PAK5: variants seen among roughly 807,000 people sequenced by gnomAD.
The protein encoded by PAK5 is p21 (RAC1) activated kinase 5.
PAK5 carries 16 observed loss-of-function variants against 65.9 expected under a neutral mutation model. The ratio of observed to expected loss-of-function variants is 0.24; its 90% CI spans 0.16 to 0.37. The LOEUF is 0.37. Among genes scored for constraint, PAK5 ranks in the 10% least tolerant of loss-of-function variants. PAK5 has a pLI of 1.00. For missense variants in PAK5, 785 were observed against 903.9 expected (o/e 0.87, Z 1.69); for synonymous variants, 371 against 354.9 (o/e 1.05, Z -0.51).
chr20:9,604,131 C>A (rs2046408782), intron 3 of PAK5, among the ~76,000 whole-genome samples: 1 of 152,170 alleles, frequency 6.6e-6, no homozygotes, highest in Admixed American at 6.5e-5. Flanking sequence ...GTGTTCCAAG[C>A]TAGGGCATCC....
intron 7 of PAK5, among the ~76,000 whole-genome samples, chr20:9,550,200 A>C (rs2045404852): frequency 6.6e-6 from 1 of 152,114 alleles, no homozygotes; most frequent in Admixed American, 6.5e-5. Context: ...GGAATGGGGA[A>C]GGGTCTGGCA....
intron 2 of PAK5, among the ~76,000 whole-genome samples, chr20:9,647,301 G>A (rs2047147173): frequency 6.6e-6 from 1 of 152,230 alleles, no homozygotes; most frequent in African/African-American, 2.4e-5. Flanking sequence ...ATTATTTAGT[G>A]AGCATAAAAT....
chr20:9,779,662 C>A (rs779957739), intron 1 of PAK5, among the ~76,000 whole-genome samples: 14 of 151,742 alleles, frequency 9.2e-5, no homozygotes, highest in Non-Finnish European at 1.8e-4. Context: ...TTACATAATT[C>A]CTTCTAATTA....
chr20:9,825,567 T>C (rs1262721151), intron 1 of PAK5, among the ~76,000 whole-genome samples: 1 of 152,196 alleles, frequency 6.6e-6, no homozygotes, highest in Non-Finnish European at 1.5e-5. Context: ...TATGATTTCT[T>C]TTCCATTTCA....
intron 1 of PAK5, among the ~76,000 whole-genome samples, chr20:9,716,347 C>G: frequency 6.6e-6 from 1 of 151,970 alleles, no homozygotes; most frequent in African/African-American, 2.4e-5. Flanking sequence ...CTTTTGATAC[C>G]CTATTCAAAC....
intron 1 of PAK5, chr20:9,818,671 A>C (rs1307161860): frequency 6.6e-6 from 1 of 152,180 alleles, no homozygotes; most frequent in Non-Finnish European, 1.5e-5. Context: ...ATTATCATAA[A>C]GTCTATACCT....
intron 1 of PAK5, among the ~76,000 whole-genome samples, chr20:9,752,100 G>A (rs1027823284): frequency 1.1e-4 from 17 of 152,116 alleles, no homozygotes; most frequent in Admixed American, 1.3e-4. Context: ...GCTACACAGC[G>A]GAAAGTAATC....
At chr20:9,690,317 T>C (rs2050103) in intron 2 of PAK5, among the ~76,000 whole-genome samples, 52,509 of 152,004 alleles carry the variant, frequency 0.35, 10,778 homozygotes, top group African/African-American at 0.58. Context: ...GAATTAGCTT[T>C]TGATGAAAAT....
At chr20:9,748,724 C>T (rs1157623502) in intron 1 of PAK5, among the ~76,000 whole-genome samples, 1 of 152,116 alleles carries the variant, frequency 6.6e-6, no homozygotes, top group Non-Finnish European at 1.5e-5. Flanking sequence ...GCTGTGCCAT[C>T]CAATAGAATT....
At chr20:9,568,044 G>T (rs1165207463) in intron 4 of PAK5, among the ~76,000 whole-genome samples, 5 of 152,198 alleles carry the variant, frequency 3.3e-5, no homozygotes, top group African/African-American at 1.2e-4. Context: ...CAGACGCTCA[G>T]CTATAGTGGA....
intron 1 of PAK5, among the ~76,000 whole-genome samples, chr20:9,790,104 C>A (rs1052252343): frequency 6.6e-6 from 1 of 152,130 alleles, no homozygotes; most frequent in East Asian, 1.9e-4. Context: ...GCCCAAAGAG[C>A]CTGCTTTATG....
chr20:9,589,651 C>T (rs974659026), intron 3 of PAK5, among the ~76,000 whole-genome samples: 17 of 152,156 alleles, frequency 1.1e-4, no homozygotes, highest in African/African-American at 3.9e-4. Context: ...ACATGGAATC[C>T]AAAAAGCCAA....
intron 3 of PAK5, among the ~76,000 whole-genome samples, chr20:9,605,028 A>C (rs1179369728): frequency 1.3e-5 from 2 of 152,236 alleles, no homozygotes; most frequent in African/African-American, 4.8e-5. Flanking sequence ...AGATTCCAGA[A>C]AGCCACATGA....
chr20:9,559,827 A>G (rs1466975725), intron 6 of PAK5, among the ~76,000 whole-genome samples: 1 of 151,986 alleles, frequency 6.6e-6, no homozygotes, highest in East Asian at 1.9e-4. Flanking sequence ...GGTGACAAGA[A>G]ATGTTTTTGC....
chr20:9,575,894 G>T (rs2045877837), intron 4 of PAK5, among the ~76,000 whole-genome samples: 1 of 152,148 alleles, frequency 6.6e-6, no homozygotes, highest in Non-Finnish European at 1.5e-5. Flanking sequence ...TCAGTTATTT[G>T]CCTTTATAAA....
At chr20:9,640,247 T>A (rs1295488495) in intron 3 of PAK5, among the ~76,000 whole-genome samples, 1 of 131,878 alleles carries the variant, frequency 7.6e-6, no homozygotes, top group Non-Finnish European at 1.6e-5. Context: ...GTGTGTGATG[T>A]TCCCCTTCCT....
intron 1 of PAK5, among the ~76,000 whole-genome samples, chr20:9,734,838 AC>A (rs1206698666): frequency 2.0e-5 from 3 of 152,208 alleles, no homozygotes; most frequent in Non-Finnish European, 4.4e-5. Context: ...GTCTAGGACA[AC>A]CATACTGGTG....
chr20:9,773,779 T>A (rs2048858635), intron 1 of PAK5, among the ~76,000 whole-genome samples: 1 of 152,160 alleles, frequency 6.6e-6, no homozygotes, highest in African/African-American at 2.4e-5. Flanking sequence ...ACAACAACAC[T>A]ACAAGGTTGT....
At chr20:9,736,700 C>T (rs1002831656) in intron 1 of PAK5, among the ~76,000 whole-genome samples, 10 of 152,276 alleles carry the variant, frequency 6.6e-5, no homozygotes, top group South Asian at 2.1e-4. Flanking sequence ...GATTGGTTTA[C>T]GATGATCAGA....
Sources: gnomAD v4.1 joint callset for allele counts (sites outside exome capture counted in the v4.1 genomes callset) on GRCh38, gnomAD v4.1.1 for gene constraint, MANE v1.5 for transcripts, NCBI Gene and HGNC (gene_info 2026-07-23, HGNC 2026-07-21) for gene names.